Variants in MINDY4 observed in about 807,000 individuals in gnomAD.
MINDY4 encodes probable ubiquitin carboxyl-terminal hydrolase MINDY-4.
A neutral mutation model predicts 87.0 loss-of-function variants in MINDY4; 68 were observed. That is an observed-to-expected ratio of 0.78 (90% CI 0.64 to 0.96). The LOEUF is 0.96. Among genes scored for constraint, MINDY4 ranks in the 40% least tolerant of loss-of-function variants. The pLI, the probability that MINDY4 is intolerant of heterozygous loss-of-function variation, is 0.00. For missense variants in MINDY4, 919 were observed against 928.2 expected (o/e 0.99, Z 0.13); for synonymous variants, 379 against 363.2 (o/e 1.04, Z -0.50).
chr7:30,852,480 C>T (rs1789442607), intron 11 of MINDY4: 6 of 555,386 alleles, frequency 1.1e-5, no homozygotes, highest in Non-Finnish European at 1.4e-5. Flanking sequence ...GGCTTTACGG[C>T]CAAAAGGCTG....
chr7:30,875,759 GC>G, intron 15 of MINDY4, 103 bp downstream of exon 15: 13 of 1,324,098 alleles, frequency 9.8e-6, no homozygotes, highest in Non-Finnish European at 1.3e-5. Context: ...CTCAGAGCTG[GC>G]TGAAATTCGG....
chr7:30,872,352 T>A (rs1790133196), intron 14 of MINDY4, 46 bp downstream of exon 14: 1 of 1,561,220 alleles, frequency 6.4e-7, no homozygotes, highest in South Asian at 1.1e-5. Context: ...CCCTCCTCTG[T>A]CCCTCAGAGA....
At chr7:30,812,362 G>C (rs1788030505) in intron 5 of MINDY4, among the ~76,000 whole-genome samples, 1 of 152,078 alleles carries the variant, frequency 6.6e-6, no homozygotes, top group African/African-American at 2.4e-5. Context: ...GTATATGCTG[G>C]TGTGTGTTTT....
At chr7:30,814,603 A>G (rs1283198971) in intron 5 of MINDY4, among the ~76,000 whole-genome samples, 1 of 152,262 alleles carries the variant, frequency 6.6e-6, no homozygotes, top group Non-Finnish European at 1.5e-5. Context: ...AGCAAGTGCT[A>G]GGAAAAGTAG....
intron 13 of MINDY4, among the ~76,000 whole-genome samples, chr7:30,860,885 C>T (rs144137725): frequency 6.6e-6 from 1 of 152,176 alleles, no homozygotes; most frequent in African/African-American, 2.4e-5. Context: ...TGCTGCCCTG[C>T]TGGACCTTCA....
At chr7:30,872,553 G>A (rs1412067886) in intron 14 of MINDY4, among the ~76,000 whole-genome samples, 1 of 152,212 alleles carries the variant, frequency 6.6e-6, no homozygotes, top group East Asian at 1.9e-4. Context: ...TATGTGCTCA[G>A]AGCTGCAGAG....
chr7:30,831,852 G>C (rs1382249088), intron 6 of MINDY4, among the ~76,000 whole-genome samples: 1 of 152,132 alleles, frequency 6.6e-6, no homozygotes, highest in Non-Finnish European at 1.5e-5. Flanking sequence ...CCTACAAAAA[G>C]CACATAAAAT....
At chr7:30,879,656 G>A (rs1021669284) in intron 15 of MINDY4, among the ~76,000 whole-genome samples, 107 of 152,212 alleles carry the variant, frequency 7.0e-4, no homozygotes, top group African/African-American at 2.4e-3. Context: ...CCCTGTTATC[G>A]TTTTGACTTA....
Position 30,836,710 on chromosome 7 carries a change from A to T in MINDY4, c.1185A>T (p.Pro395=). The T allele has an allele frequency of 6.2e-7, 1 of 1,614,202 alleles. No individual in the cohort carries two copies. Residue 395 remains proline, a synonymous_variant, in exon 7 of 18, where the codon CCA becomes CCT. Coordinates refer to ENST00000265299, the MANE Select transcript of MINDY4 (RefSeq NM_032222.3). The part of the protein sequence containing the change: ...IREEVILSPV[P]SVLKLQTASK... ...AAGAGGTCATCCTGTCGCCAGTCCC[A>T]TCAGTGCTCAAGTTGCAGACAGCAT...
intron 4 of MINDY4, among the ~76,000 whole-genome samples, chr7:30,790,742 GC>G (rs1787297738): frequency 6.6e-6 from 1 of 152,216 alleles, no homozygotes; most frequent in Admixed American, 6.5e-5. Flanking sequence ...ACCATGCCCA[GC>G]CTGGTTTTGG....
Position 30,771,867 on chromosome 7 carries a change from C to A in MINDY4, c.63+311C>A, listed in dbSNP as rs997121765. On this transcript the variant is annotated intron_variant, in intron 1 of 17. Coordinates refer to ENST00000265299, the MANE Select transcript of MINDY4 (RefSeq NM_032222.3). The stretch of plus-strand genomic sequence containing the variant: ...GGCCTGGGGGCCGCGCCAAGCAATC[C>A]TAGCGCGGGCGCACAGCGGGCAGGC... Among the ~76,000 whole-genome samples the A allele has an allele frequency of 4.6e-5, 7 of 152,222 alleles. 1 individual carries two copies. The highest frequency in any genetic ancestry group is 1.0e-4 in the Non-Finnish European group (7 of 68,034).
chr7:30,784,370 CT>C (rs1004615445), intron 3 of MINDY4, among the ~76,000 whole-genome samples: 4 of 152,152 alleles, frequency 2.6e-5, no homozygotes, highest in African/African-American at 9.7e-5. Flanking sequence ...CACTTTCCTT[CT>C]TTCCTCCTTT....
At chr7:30,812,876 A>G (rs1788045507) in intron 5 of MINDY4, among the ~76,000 whole-genome samples, 1 of 152,146 alleles carries the variant, frequency 6.6e-6, no homozygotes, top group African/African-American at 2.4e-5. Flanking sequence ...TCAACATGAC[A>G]TTTCCAACAG....
chr7:30,859,235 C>A (rs1324175018), intron 12 of MINDY4, 22 bp from the exon 13 acceptor site: 4 of 1,611,236 alleles, frequency 2.5e-6, no homozygotes, highest in South Asian at 2.2e-5. Context: ...GGATGGAGCT[C>A]ATTTTTCTCT....
chr7:30,799,041 A>G (rs1327585176), intron 5 of MINDY4, among the ~76,000 whole-genome samples: 1 of 152,180 alleles, frequency 6.6e-6, no homozygotes, highest in African/African-American at 2.4e-5. Context: ...GTCTAAGGAC[A>G]GTAAAAGCAA....
intron 5 of MINDY4, among the ~76,000 whole-genome samples, chr7:30,826,834 C>T (rs1238894639): frequency 1.3e-5 from 2 of 152,192 alleles, no homozygotes; most frequent in South Asian, 2.1e-4. Context: ...GCTTGCAAAG[C>T]ACTTAGCACA....
chr7:30,805,857 A>G (rs1490433418), intron 5 of MINDY4, among the ~76,000 whole-genome samples: 2 of 152,174 alleles, frequency 1.3e-5, no homozygotes, highest in African/African-American at 2.4e-5. Flanking sequence ...TTTATTCAGG[A>G]CAAGAGAGAT....
chr7:30,882,433 C>T, intron 16 of MINDY4, 72 bp downstream of exon 16: 1 of 1,281,258 alleles, frequency 7.8e-7, no homozygotes, highest in South Asian at 1.6e-5. Context: ...CAGAAACCAG[C>T]CTTCCTATCC....
At chr7:30,877,236 C>A (rs1232539612) in intron 15 of MINDY4, among the ~76,000 whole-genome samples, 1 of 152,114 alleles carries the variant, frequency 6.6e-6, no homozygotes, top group Non-Finnish European at 1.5e-5. Context: ...GAGAGGCAAC[C>A]TTGGCTAGGC....
Sources: allele counts gnomAD v4.1 joint callset (sites outside exome capture counted in the v4.1 genomes callset), GRCh38; gene constraint gnomAD v4.1.1; transcripts MANE v1.5; gene names NCBI Gene and HGNC (gene_info 2026-07-23, HGNC 2026-07-21).